The following STX1B variants were observed in gnomAD, a reference collection of about 807,000 sequenced individuals.
The protein encoded by STX1B is syntaxin 1B.
In STX1B, 7 loss-of-function variants were observed where a neutral mutation model predicts 39.4. That is an observed-to-expected ratio of 0.18 (90% CI 0.10 to 0.33). STX1B has a LOEUF of 0.33. Ranked by LOEUF, STX1B falls within the 10% of genes least tolerant of loss-of-function variation. The pLI, the probability that STX1B is intolerant of heterozygous loss-of-function variation, is 1.00. For synonymous variants in STX1B, 136 were observed against 144.1 expected (o/e 0.94, Z 0.40); for missense variants, 198 against 383.2 (o/e 0.52, Z 4.04).
chr16:30,992,645 G>A lies in STX1B; in HGVS notation c.*176C>T, dbSNP rs1475789166. On this transcript the variant is annotated 3_prime_UTR_variant, in exon 10 of 10. Transcript: ENST00000215095. ...GCTGCGATCTACGTGCGGGGACGGG[G>A]GGGGGGTCCATGGCCCGGTGAGGTC... 5.8e-6 allele frequency: 3 copies of A among 517,676 alleles called. No individual in the cohort carries two copies. The highest frequency in any genetic ancestry group is 3.6e-5 in the Admixed American group (1 of 28,146). The allele number at this position is 517,676 out of a possible 1,614,324, so 32.1% of individuals were successfully genotyped here.
rs1000845243 is a variant in STX1B at position 30,999,988 on chromosome 16, G to A, written c.280+940C>T. The stretch of plus-strand genomic sequence containing the variant: ...AGAGAAAGGCCTGTTTTGCTCAATG[G>A]ATGGCAAAGTTCTTTTTTTTTTTTT... On this transcript the variant is annotated intron_variant, in intron 4 of 9. Transcript: ENST00000215095. Among the ~76,000 whole-genome samples the A allele has an allele frequency of 1.4e-4, 22 of 151,840 alleles. 1 individual carries two copies. The highest frequency in any genetic ancestry group is 6.3e-3 in the Middle Eastern group (2 of 316).
chr16:30,998,517 G>A (rs1256625269), intron 4 of STX1B, among the ~76,000 whole-genome samples: 1 of 152,248 alleles, frequency 6.6e-6, no homozygotes, highest in East Asian at 1.9e-4. Context: ...GGTCAAGTCC[G>A]GAGGGAGGGG....
chr16:30,998,688 G>A (rs1363041482), intron 4 of STX1B, among the ~76,000 whole-genome samples: 1 of 152,196 alleles, frequency 6.6e-6, no homozygotes, highest in Admixed American at 6.5e-5. Flanking sequence ...AGGACTAAGA[G>A]AATCCTCTCT....
intron 9 of STX1B, 55 bp from the exon 10 acceptor site, chr16:30,992,956 A>C (rs2056570975): frequency 1.3e-6 from 2 of 1,489,790 alleles, no homozygotes; most frequent in African/African-American, 2.7e-5. Context: ...CGACACACGG[A>C]CAGATGCAGG....
chr16:31,010,346 T>C (rs1389511397), intron 1 of STX1B, 21 bp downstream of exon 1: 2 of 665,380 alleles, frequency 3.0e-6, no homozygotes, highest in Non-Finnish European at 4.8e-6. Flanking sequence ...GCCCCCCCAT[T>C]CTCCCCACCC....
At chr16:30,996,851 G>T in intron 6 of STX1B, 95 bp from the exon 7 acceptor site, 1 of 1,564,464 alleles carries the variant, frequency 6.4e-7, no homozygotes. Context: ...ACCCTCCCAC[G>T]CCGCCTTAAG....
intron 4 of STX1B, among the ~76,000 whole-genome samples, chr16:31,000,316 T>G (rs981592379): frequency 1.5e-5 from 2 of 133,264 alleles, no homozygotes; most frequent in Non-Finnish European, 3.1e-5. Flanking sequence ...CCTTTTTTTT[T>G]GTTTGTTTGT....
rs2143661269 is a variant in STX1B, at chr16:30,993,121, C to G, written c.786+9G>C. 12 of 1,613,904 alleles carry G rather than the reference C, an allele frequency of 7.4e-6. No homozygotes were observed. The highest frequency in any genetic ancestry group is 1.0e-5 in the Non-Finnish European group (12 of 1,179,774). Reference sequence around the variant, plus strand: ...CCCCGCCTACCCCCAGGCCGCCTGCCCCGCTCACCCTCCGGGCCTTGCTCT... The same window carrying G: ...CCCCGCCTACCCCCAGGCCGCCTGCGCCGCTCACCCTCCGGGCCTTGCTCT... On this transcript the variant is annotated intron_variant, in intron 9 of 9. Coordinates refer to ENST00000215095, the MANE Select transcript of STX1B (RefSeq NM_052874.5).
intron 1 of STX1B, among the ~76,000 whole-genome samples, chr16:31,009,483 C>T (rs1339984506): frequency 6.6e-5 from 10 of 151,976 alleles, no homozygotes; most frequent in Non-Finnish European, 1.2e-4. Flanking sequence ...GCTGCCTCCT[C>T]GGGCCCCAGG....
chr16:30,993,323 T>G (rs1408910430), intron 8 of STX1B, 24 bp downstream of exon 8: 1 of 1,613,304 alleles, frequency 6.2e-7, no homozygotes, highest in Non-Finnish European at 8.5e-7. Context: ...GCTCCCAGAG[T>G]GGCATGGGTG....
Position 30,996,954 on chromosome 16 carries a change from T to C in STX1B, c.460A>G (p.Ile154Val). The part of the protein sequence containing the change: ...CKDRIQRQLE[I>V]TGRTTTNEEL... ...CTGGGGTGGGGGGCACACGCACTGA[T>C]CTCCAGTTGCCGCTGGATCCGGTCC... Residue 154 changes from isoleucine to valine, a missense_variant, in exon 6 of 10, where the codon ATC becomes GTC. Ile to Val is a conservative substitution (Grantham distance 29). Transcript: ENST00000215095. 6.2e-7 allele frequency: 1 copy of C among 1,612,602 alleles called. No individual in the cohort carries two copies. Among genetic ancestry groups the C allele is most frequent in the Non-Finnish European group, 8.5e-7 (1 of 1,179,484 alleles).
chr16:31,009,433 A>T (rs967736943), intron 1 of STX1B, among the ~76,000 whole-genome samples: 2 of 151,922 alleles, frequency 1.3e-5, no homozygotes, highest in African/African-American at 4.8e-5. Context: ...TACCCTTATT[A>T]ACATAACACC....
intron 5 of STX1B, 125 bp downstream of exon 5, chr16:30,997,377 G>T: frequency 3.7e-6 from 2 of 534,128 alleles, no homozygotes; most frequent in East Asian, 6.4e-5. Context: ...CTCGCCCCCA[G>T]AGCCCCGCCC....
At chr16:31,005,980 C>T (rs2056653323) in intron 1 of STX1B, among the ~76,000 whole-genome samples, 2 of 152,052 alleles carry the variant, frequency 1.3e-5, no homozygotes, top group South Asian at 2.1e-4. Flanking sequence ...GATACAGAAG[C>T]GGAAGGAGGA....
chr16:31,000,271 T>G (rs9932921), intron 4 of STX1B, among the ~76,000 whole-genome samples: 14,456 of 151,668 alleles, frequency 0.095, 2,016 homozygotes, highest in African/African-American at 0.31. Flanking sequence ...CTCCCAAAGT[T>G]CTGGGATTAT....
chr16:30,993,335 C>T lies in STX1B; in HGVS notation c.675+12G>A. 2 of 1,613,920 alleles carry T rather than the reference C, an allele frequency of 1.2e-6. No individual in the cohort carries two copies. Among genetic ancestry groups the T allele is most frequent in the Non-Finnish European group, 1.7e-6 (2 of 1,179,800 alleles). Reference sequence around the variant, plus strand: ...GAGGCTCCCAGAGTGGCATGGGTGGCAGAGCCAGTACCTGGCTCTCTACGA... The same window carrying T: ...GAGGCTCCCAGAGTGGCATGGGTGGTAGAGCCAGTACCTGGCTCTCTACGA... On this transcript the variant is annotated intron_variant, in intron 8 of 9. Coordinates refer to ENST00000215095, the MANE Select transcript of STX1B (RefSeq NM_052874.5).
rs2056572833 is a variant in STX1B, at chr16:30,993,208, C to T, written c.708G>A (p.Val236=). The T allele has an allele frequency of 3.1e-6, 5 of 1,614,210 alleles. No individual in the cohort carries two copies. In the East Asian group the frequency reaches 1.1e-4, roughly 36 times the overall value. The stretch of plus-strand genomic sequence containing the variant: ...GCTCCACGTAGTCCACAGAATGTTC[C>T]ACGTTGTACTCGATGCGGTCAATCA... The part of the protein sequence containing the change: ...GEMIDRIEYN[V]EHSVDYVERA... Residue 236 remains valine, a synonymous_variant, in exon 9 of 10, where the codon GTG becomes GTA. Coordinates refer to ENST00000215095, the MANE Select transcript of STX1B (RefSeq NM_052874.5).
chr16:30,998,231 C>G (rs1262881591), intron 4 of STX1B, among the ~76,000 whole-genome samples: 1 of 152,260 alleles, frequency 6.6e-6, no homozygotes, highest in Non-Finnish European at 1.5e-5. Context: ...CACTATCGTT[C>G]CGATTTTCTA....
chr16:31,010,420 T>C lies in STX1B; in HGVS notation c.-24A>G. 7.0e-7 allele frequency: 1 copy of C among 1,425,042 alleles called. No individual in the cohort carries two copies. Among genetic ancestry groups the C allele is most frequent in the Non-Finnish European group, 9.3e-7 (1 of 1,074,560 alleles). The allele number at this position is 1,425,042 out of a possible 1,614,324, so 88.3% of individuals were successfully genotyped here. ...ATCCTGCGACGGCTCCTCCTCCTCC[T>C]CCTAGTCCTCCTGCCTCTGCTGCTG... On this transcript the variant is annotated 5_prime_UTR_variant, in exon 1 of 10. Transcript: ENST00000215095.
Sources: gnomAD v4.1 joint callset for allele counts (sites outside exome capture counted in the v4.1 genomes callset) on GRCh38, gnomAD v4.1.1 for gene constraint, MANE v1.5 for transcripts, NCBI Gene and HGNC (gene_info 2026-07-23, HGNC 2026-07-21) for gene names.